TTN: variants seen among roughly 807,000 people sequenced by gnomAD.
The protein encoded by TTN is titin, also known as connectin.
A neutral mutation model predicts 3,223.0 loss-of-function variants in TTN; 1,525 were observed. The ratio of observed to expected loss-of-function variants is 0.47; its 90% CI spans 0.45 to 0.49. The LOEUF (loss-of-function observed/expected upper bound fraction) is 0.49. TTN is among the 20% of genes least tolerant of loss of function. The pLI is 0.00. For synonymous variants in TTN, 14,094 were observed against 15,161.0 expected (o/e 0.93, Z 5.17); for missense variants, 40,786 against 43,424.0 (o/e 0.94, Z 5.40).
chr2:178,531,021 A>G lies in TTN; in HGVS notation c.105594T>C (p.Asn35198=). 1 of 1,613,848 alleles carries G rather than the reference A, an allele frequency of 6.2e-7. No individual in the cohort carries two copies. The highest frequency in any genetic ancestry group is 8.5e-7 in the Non-Finnish European group (1 of 1,179,854). ...ISSVQASDEG[N]YSVVVENSEG... Reference sequence around the variant, plus strand: ...CACTGTTTTCTACCACCACGCTGTAATTGCCCTCATCGGAAGCCTGGACTG... The same window carrying G: ...CACTGTTTTCTACCACCACGCTGTAGTTGCCCTCATCGGAAGCCTGGACTG... The change falls in exon 358 of 363, where the codon AAT becomes AAC. Residue 35198 remains asparagine, a synonymous_variant. Coordinates refer to ENST00000589042, the MANE Select transcript of TTN (RefSeq NM_001267550.2).
chr2:178,666,586 A>G (rs1314225160), intron 163 of TTN, among the ~76,000 whole-genome samples: 1 of 152,184 alleles, frequency 6.6e-6, no homozygotes, highest in African/African-American at 2.4e-5. Context: ...GTCCTCATAA[A>G]AATACACTGA....
At chr2:178,728,869 T>C (rs1159528365) in intron 65 of TTN, 22 bp downstream of exon 65, 2 of 1,577,980 alleles carry the variant, frequency 1.3e-6, no homozygotes, top group South Asian at 1.2e-5. Context: ...AGACTATCTT[T>C]GAAAGAGAAT....
chr2:178,547,663 G>C lies in TTN; in HGVS notation c.93963C>G (p.Val31321=), dbSNP rs1194888653. 1.2e-6 allele frequency: 2 copies of C among 1,613,790 alleles called. No individual in the cohort carries two copies. Among genetic ancestry groups the C allele is most frequent in the African/African-American group, 1.3e-5 (1 of 74,906 alleles). ...ATGACAGGACACACGATTCAGCTGA[G>C]ACAGATGAGACCTCAATGGGGCCGG... ...PVTGPIEVSS[V]SAESCVLSWG... is the part of the protein sequence containing the mutation. Residue 31321 remains valine, a synonymous_variant, in exon 339 of 363, where the codon GTC becomes GTG. Transcript: ENST00000589042.
chr2:178,543,783 T>C, intron 346 of TTN, 51 bp downstream of exon 346: 2 of 1,593,580 alleles, frequency 1.3e-6, no homozygotes, highest in Non-Finnish European at 1.7e-6. Context: ...CAAGCTATAT[T>C]GTTTTAGAGG....
chr2:178,579,713 T>C lies in TTN; in HGVS notation c.67484A>G (p.Asn22495Ser). Reference sequence around the variant, plus strand: ...GGATTTCATAACTCGTTGCCACTTATTTTCTTCAGTCAGGAAATCAACTAC... The same window carrying C: ...GGATTTCATAACTCGTTGCCACTTACTTTCTTCAGTCAGGAAATCAACTAC... ...GYVVDFLTEE[N>S]KWQRVMKSLS... is the part of the protein sequence containing the mutation. Residue 22495 changes from asparagine to serine, a missense_variant, in exon 319 of 363, where the codon AAT (asparagine) becomes AGT (serine). Coordinates refer to ENST00000589042, the MANE Select transcript of TTN (RefSeq NM_001267550.2). The C allele has an allele frequency of 1.9e-6, 3 of 1,613,312 alleles. No homozygotes were observed. The highest frequency in any genetic ancestry group is 2.5e-6 in the Non-Finnish European group (3 of 1,179,514).
At position 178,620,286 on chromosome 2, in the gene TTN, CAGG is replaced by C. The variant is rs750724970; in HGVS notation, c.46232_46234del (p.Ser15411del). The C allele has an allele frequency of 1.3e-6, 2 of 1,551,838 alleles. No homozygotes were observed. The highest frequency in any genetic ancestry group is 1.7e-6 in the Non-Finnish European group (2 of 1,150,652). Reference sequence around the variant, plus strand: ...ATTGGCTTTCTCTCTGGAGAGCTGGCAGGAGAAGACAGCGTCATCGAACTCAGT... The same window carrying C: ...ATTGGCTTTCTCTCTGGAGAGCTGGCAGAAGACAGCGTCATCGAACTCAGT... On this transcript the variant is annotated inframe_deletion, in exon 248 of 363. Transcript: ENST00000589042.
Position 178,713,187 on chromosome 2 carries a change from A to C in TTN, c.26947T>G (p.Leu8983Val), listed in dbSNP as rs2154296469. ...GATTCTTCCAGCATGTTCACAGTTA[A>C]AGCACAAGTATTATCTGTCAGGGTG... is the stretch of plus-strand genomic sequence containing the variant. ...QTTLTDNTCA[L>V]TVNMLEESDS... The change falls in exon 93 of 363, where the codon TTA becomes GTA. Residue 8983 changes from leucine to valine, a missense_variant. Leu to Val is a conservative substitution (Grantham distance 32). Transcript: ENST00000589042. The C allele has an allele frequency of 6.2e-7, 1 of 1,613,754 alleles. No homozygotes were observed. The highest frequency in any genetic ancestry group is 2.2e-5 in the East Asian group (1 of 44,864).
Position 178,764,545 on chromosome 2 carries a change from C to A in TTN, c.9970G>T (p.Ala3324Ser). The part of the protein sequence containing the change: ...KNDYGVATTS[A>S]SLSVEVPEVV... ...TTCCTACCTTCCACTGAGAGTGAAG[C>A]TGATGTTGTGGCAACACCATAGTCA... The change falls in exon 42 of 363, where the codon GCT (alanine) becomes TCT (serine). Residue 3324 changes from alanine to serine, a missense_variant. By Grantham distance (99) the Ala-to-Ser change is moderately conservative. Coordinates refer to ENST00000589042, the MANE Select transcript of TTN (RefSeq NM_001267550.2). 1.9e-6 allele frequency: 3 copies of A among 1,614,106 alleles called. No individual in the cohort carries two copies. The highest frequency in any genetic ancestry group is 1.7e-6 in the Non-Finnish European group (2 of 1,180,002).
rs2048458616 is a variant in TTN at position 178,584,325 on chromosome 2, G to T, written c.65226C>A (p.Ser21742=). The T allele has an allele frequency of 6.2e-7, 1 of 1,603,328 alleles. No homozygotes were observed. The highest frequency in any genetic ancestry group is 2.2e-5 in the East Asian group (1 of 44,610). The change falls in exon 311 of 363, where the codon TCC becomes TCA. Residue 21742 remains serine, a synonymous_variant. Transcript: ENST00000589042. ...FRIYALNKAG[S]SPPSKPTEYV... ...ATTCTGTGGGTTTGCTGGGTGGGCTGGATCCAGCTTTGTTTAGGGCATAGA... is the reference window on the plus strand; with the variant it reads ...ATTCTGTGGGTTTGCTGGGTGGGCTTGATCCAGCTTTGTTTAGGGCATAGA...
At position 178,717,273 on chromosome 2, in the gene TTN, G is replaced by A; in HGVS notation, c.25461C>T (p.Ile8487=). The change falls in exon 88 of 363, where the codon ATC becomes ATT. Residue 8487 remains isoleucine (I), a synonymous_variant. Coordinates refer to ENST00000589042, the MANE Select transcript of TTN (RefSeq NM_001267550.2). ...CHVTGTAPIK[I]TWAKDNREIR... ...TCTCTCGGTTATCTTTGGCCCAAGT[G>A]ATTTTGATTGGTGCAGTCCCAGTTA... is the stretch of plus-strand genomic sequence containing the variant. The A allele has an allele frequency of 6.2e-7, 1 of 1,613,696 alleles. No homozygotes were observed.
chr2:178,779,891 C>G, intron 22 of TTN, 109 bp downstream of exon 22: 1 of 1,098,832 alleles, frequency 9.1e-7, no homozygotes, highest in Non-Finnish European at 1.3e-6. Flanking sequence ...CTTGGACCTT[C>G]TAATAGCTGT....
chr2:178,772,459 G>T (rs2091673126), intron 33 of TTN, among the ~76,000 whole-genome samples: 1 of 152,004 alleles, frequency 6.6e-6, no homozygotes, highest in Non-Finnish European at 1.5e-5. Context: ...TCTGGCAATT[G>T]ATTTACATTT....
chr2:178,617,951 C>T lies in TTN; in HGVS notation c.47400G>A (p.Lys15800=), dbSNP rs114145817. ...TGGCAGTATCCCACCTGATAGAAGT[C>T]TTGTCTCTTAATTCAATGACGTAGT... The part of the protein sequence containing the change: ...ITNYVIELRD[K]TSIRWDTAMT... Residue 15800 remains lysine (K), a synonymous_variant, in exon 253 of 363, where the codon AAG becomes AAA. Transcript: ENST00000589042. 2.0e-3 allele frequency: 3,160 copies of T among 1,612,642 alleles called. 50 individuals carry two copies. The African/African-American group carries it at 0.036, about 18-fold the overall frequency.
At chr2:178,780,334 A>G in intron 21 of TTN, 129 bp from the exon 22 acceptor site, 1 of 759,324 alleles carries the variant, frequency 1.3e-6, no homozygotes, top group Non-Finnish European at 2.2e-6. Context: ...AATATCTACT[A>G]TTGAAGTGCT....
intron 119 of TTN, among the ~76,000 whole-genome samples, chr2:178,693,190 T>C (rs1366892729): frequency 1.3e-5 from 2 of 152,088 alleles, no homozygotes; most frequent in Non-Finnish European, 1.5e-5. Context: ...TGCAGTAAAA[T>C]AGGAGTTTTG....
At chr2:178,592,321 A>G (rs770227934) in intron 301 of TTN, 44 bp from the exon 302 acceptor site, 31 of 1,600,020 alleles carry the variant, frequency 1.9e-5, no homozygotes, top group Non-Finnish European at 1.4e-5. Flanking sequence ...TTTTATCCAT[A>G]TAAGAGCTCA....
intron 278 of TTN, among the ~76,000 whole-genome samples, chr2:178,606,690 G>GT (rs2054932300): frequency 1.3e-5 from 2 of 151,886 alleles, no homozygotes; most frequent in Non-Finnish European, 2.9e-5. Context: ...TACTACGCTA[G>GT]TAAGTTTTAA....
At chr2:178,725,153 G>T in intron 71 of TTN, 1 of 446,152 alleles carries the variant, frequency 2.2e-6, no homozygotes, top group Non-Finnish European at 3.8e-6. Context: ...TAGACAGGTA[G>T]TTATTAAACA....
chr2:178,670,414 C>A, intron 156 of TTN, 119 bp from the exon 157 acceptor site: 2 of 462,770 alleles, frequency 4.3e-6, no homozygotes, highest in Non-Finnish European at 7.3e-6. Flanking sequence ...GCAGACAACA[C>A]TTTATCAAAT....
Sources: allele counts gnomAD v4.1 joint callset (sites outside exome capture counted in the v4.1 genomes callset), GRCh38; gene constraint gnomAD v4.1.1; transcripts MANE v1.5; gene names NCBI Gene and HGNC (gene_info 2026-07-23, HGNC 2026-07-21).